Variants in E2F7 observed in about 807,000 individuals in gnomAD.
E2F7 encodes the protein transcription factor E2F7.
In E2F7, 35 loss-of-function variants were observed where a neutral mutation model predicts 81.1. That is an observed-to-expected ratio of 0.43 (90% CI 0.33 to 0.57). E2F7 has a LOEUF of 0.57. Ranked by LOEUF, E2F7 falls within the 20% of genes least tolerant of loss-of-function variation. E2F7 has a pLI of 0.04. For synonymous variants in E2F7, 416 were observed against 416.2 expected (o/e 1.00, Z 0.01); for missense variants, 961 against 1,093.7 (o/e 0.88, Z 1.71).
chr12:77,037,056 G>C (rs1311814501), intron 7 of E2F7, among the ~76,000 whole-genome samples: 2 of 152,128 alleles, frequency 1.3e-5, no homozygotes, highest in Non-Finnish European at 2.9e-5. Flanking sequence ...GCCCAACCTA[G>C]AATTCTTTAC....
chr12:77,029,910 G>C lies in E2F7; in HGVS notation c.1805C>G (p.Pro602Arg), dbSNP rs1398944377. The part of the protein sequence containing the change: ...AQKRLCEERK[P>R]QEEDEPATKR... ...AGTGGCTGGCTCATCCTCCTCCTGAGGTTTCCTCTCCTCACAGAGGCGCTT... is the reference window on the plus strand; with the variant it reads ...AGTGGCTGGCTCATCCTCCTCCTGACGTTTCCTCTCCTCACAGAGGCGCTT... Residue 602 changes from proline to arginine, a missense_variant, in exon 10 of 13, where the codon CCT (proline) becomes CGT (arginine). Pro to Arg is a moderately radical substitution (Grantham distance 103, BLOSUM62 -2). Transcript: ENST00000322886. 3 of 1,614,226 alleles carry C rather than the reference G, an allele frequency of 1.9e-6. No homozygotes were observed. Among genetic ancestry groups the C allele is most frequent in the Non-Finnish European group, 2.5e-6 (3 of 1,180,042 alleles).
chr12:77,021,394 G>C lies in E2F7; in HGVS notation c.*2621C>G, dbSNP rs1954709030. The C allele has an allele frequency of 6.6e-6, 1 of 152,548 alleles. No individual in the cohort carries two copies. The highest frequency in any genetic ancestry group is 1.5e-5 in the Non-Finnish European group (1 of 68,008). The allele number at this position is 152,548 out of a possible 1,614,324, so 9.4% of individuals were successfully genotyped here. On this transcript the variant is annotated 3_prime_UTR_variant, in exon 13 of 13. Transcript: ENST00000322886. ...TAGATAATATAGCCATTAGGAAAAAGAGCAGAGCTAAATAATAAGAAAACA... is the reference window on the plus strand; with the variant it reads ...TAGATAATATAGCCATTAGGAAAAACAGCAGAGCTAAATAATAAGAAAACA...
chr12:77,044,215 C>T, intron 6 of E2F7: 1 of 453,144 alleles, frequency 2.2e-6, no homozygotes, highest in Non-Finnish European at 4.4e-6. Context: ...TGTCCCACCA[C>T]CCTTACCCTG....
intron 3 of E2F7, among the ~76,000 whole-genome samples, chr12:77,051,614 T>C (rs938985284): frequency 2.6e-5 from 4 of 152,140 alleles, no homozygotes; most frequent in African/African-American, 9.7e-5. Flanking sequence ...TGTGCACATG[T>C]ACCCTAGAAC....
Position 77,021,732 on chromosome 12 carries a change from CAAT to C in E2F7, c.*2280_*2282del, listed in dbSNP as rs1204448522. The C allele has an allele frequency of 6.6e-6, 1 of 152,314 alleles. No individual in the cohort carries two copies. The highest frequency in any genetic ancestry group is 6.5e-5 in the Admixed American group (1 of 15,270). The allele number at this position is 152,314 out of a possible 1,614,324, so 9.4% of individuals were successfully genotyped here. A position where few individuals can be genotyped will look rare whatever the true frequency, so the allele number is the denominator to read the frequency against. ...TATTTTTTTCTTTTACTAAATTATA[CAAT>C]AATAGACTCAAGATTGCCATTGCTT... On this transcript the variant is annotated 3_prime_UTR_variant, in exon 13 of 13. Coordinates refer to ENST00000322886, the MANE Select transcript of E2F7 (RefSeq NM_203394.3).
intron 9 of E2F7, 149 bp from the exon 10 acceptor site, chr12:77,030,481 TC>T: frequency 1.0e-6 from 1 of 1,002,624 alleles, no homozygotes; most frequent in Non-Finnish European, 1.4e-6. Context: ...TGTTAGCTCA[TC>T]CCAGAGTTAG....
At position 77,021,959 on chromosome 12, in the gene E2F7, C is replaced by T. The variant is rs1954715317; in HGVS notation, c.*2056G>A. ...AGAATGGTCACCAAGTCATAATATCCTCACCAATGGGACTGCTTCTTAACA... is the reference window on the plus strand; with the variant it reads ...AGAATGGTCACCAAGTCATAATATCTTCACCAATGGGACTGCTTCTTAACA... On this transcript the variant is annotated 3_prime_UTR_variant, in exon 13 of 13. Coordinates refer to ENST00000322886, the MANE Select transcript of E2F7 (RefSeq NM_203394.3). 6.6e-6 allele frequency: 1 copy of T among 152,138 alleles called. No individual in the cohort carries two copies. Among genetic ancestry groups the T allele is most frequent in the South Asian group, 2.1e-4 (1 of 4,830 alleles). The allele number at this position is 152,138 out of a possible 1,614,324, so 9.4% of individuals were successfully genotyped here.
chr12:77,031,987 T>C (rs933246237), intron 9 of E2F7, among the ~76,000 whole-genome samples: 3 of 152,196 alleles, frequency 2.0e-5, no homozygotes, highest in African/African-American at 7.2e-5. Context: ...CACTATCACC[T>C]GACATGCAGA....
chr12:77,053,848 T>C (rs562626540), intron 3 of E2F7, among the ~76,000 whole-genome samples: 73 of 152,304 alleles, frequency 4.8e-4, no homozygotes, highest in Admixed American at 6.5e-4. Flanking sequence ...AGAATGGTTA[T>C]TCTGTTGGGG....
chr12:77,026,759 GT>G (rs1183337387), intron 11 of E2F7, among the ~76,000 whole-genome samples: 1 of 152,146 alleles, frequency 6.6e-6, no homozygotes, highest in African/African-American at 2.4e-5. Flanking sequence ...TTAATATACT[GT>G]TAAGCTCATC....
At chr12:77,052,733 A>C (rs1166218589) in intron 3 of E2F7, among the ~76,000 whole-genome samples, 1 of 152,208 alleles carries the variant, frequency 6.6e-6, no homozygotes. Context: ...TAAAGGGAAA[A>C]GACAATTACC....
intron 3 of E2F7, among the ~76,000 whole-genome samples, chr12:77,053,220 G>A (rs1019174360): frequency 3.3e-5 from 5 of 152,068 alleles, no homozygotes; most frequent in African/African-American, 1.2e-4. Flanking sequence ...AAACTACTGA[G>A]GACTCCACAG....
Position 77,041,928 on chromosome 12 carries a change from G to A in E2F7, c.1123+1137C>T, listed in dbSNP as rs190839957. Among the ~76,000 whole-genome samples, 8 of 152,264 alleles carry A rather than the reference G, an allele frequency of 5.3e-5. No individual in the cohort carries two copies. In the East Asian group the frequency reaches 5.8e-4, roughly 11 times the overall value. ...GGTCTCAAATGTGTAGGGCAGGGAC[G>A]ACACCACCATATCTACCTCACCCAG... On this transcript the variant is annotated intron_variant, in intron 7 of 12. Transcript: ENST00000322886.
intron 2 of E2F7, among the ~76,000 whole-genome samples, chr12:77,060,525 T>C (rs1180764716): frequency 1.3e-5 from 2 of 152,168 alleles, no homozygotes; most frequent in Admixed American, 6.5e-5. Flanking sequence ...CAAGTGTATA[T>C]ATTAGCTCTG....
At chr12:77,059,661 T>C (rs1483115885) in intron 2 of E2F7, among the ~76,000 whole-genome samples, 2 of 152,004 alleles carry the variant, frequency 1.3e-5, no homozygotes, top group Admixed American at 6.6e-5. Context: ...CTGGGAAGCC[T>C]CTCCTGTACT....
rs1199777484 is a variant in E2F7 at position 77,025,915 on chromosome 12, A to G, written c.2208T>C (p.Gly736=). 6.2e-7 allele frequency: 1 copy of G among 1,614,100 alleles called. No homozygotes were observed. Among genetic ancestry groups the G allele is most frequent in the South Asian group, 1.1e-5 (1 of 91,074 alleles). ...QTPPTVGPSS[G]QLPSFSVPCM... is the part of the protein sequence containing the mutation. ...AAGGGACACTGAAAGACGGCAGCTGACCTGAGGACGGGCCCACAGTAGGGG... is the reference window on the plus strand; with the variant it reads ...AAGGGACACTGAAAGACGGCAGCTGGCCTGAGGACGGGCCCACAGTAGGGG... The change falls in exon 12 of 13, where the codon GGT becomes GGC. Residue 736 remains glycine (G), a synonymous_variant. Transcript: ENST00000322886.
intron 11 of E2F7, among the ~76,000 whole-genome samples, chr12:77,027,084 ACTTAC>A (rs1197080931): frequency 6.6e-6 from 1 of 152,234 alleles, no homozygotes; most frequent in Non-Finnish European, 1.5e-5. Context: ...ACTAAAAGAT[ACTTAC>A]TAAAGAAATA....
Position 77,065,389 on chromosome 12 carries a change from C to A in E2F7, c.-45G>T, listed in dbSNP as rs537280038. 11 of 152,452 alleles carry A rather than the reference C, an allele frequency of 7.2e-5. No homozygotes were observed. Among genetic ancestry groups the A allele is most frequent in the Admixed American group, 4.6e-4 (7 of 15,308 alleles). The allele number at this position is 152,452 out of a possible 1,614,324, so 9.4% of individuals were successfully genotyped here. ...CTTCCTGCCTCTGCAGGGACCTCCACGGACCCAAGCCGATGAGGGAAGGTG... is the reference window on the plus strand; with the variant it reads ...CTTCCTGCCTCTGCAGGGACCTCCAAGGACCCAAGCCGATGAGGGAAGGTG... On this transcript the variant is annotated 5_prime_UTR_variant, in exon 1 of 13. Transcript: ENST00000322886.
rs751994044 is a variant in E2F7, at chr12:77,046,050, C to T, written c.817G>A (p.Asp273Asn). 33 of 1,613,638 alleles carry T rather than the reference C, an allele frequency of 2.0e-5. No individual in the cohort carries two copies. Among genetic ancestry groups the T allele is most frequent in the Middle Eastern group, 1.6e-4 (1 of 6,084 alleles). ...EQQLLDFSEPDCPSSSANSRK... is the reference protein window; with the variant it reads ...EQQLLDFSEPNCPSSSANSRK... ...ACAATGGACTCACAAGAGGGACAGT[C>T]GGGTTCAGAGAAATCCAGTAACTGT... Residue 273 changes from aspartate (D) to asparagine (N), a missense_variant, in exon 5 of 13, where the codon GAC becomes AAC. Transcript: ENST00000322886.
Sources: allele counts gnomAD v4.1 joint callset (sites outside exome capture counted in the v4.1 genomes callset), GRCh38; gene constraint gnomAD v4.1.1; transcripts MANE v1.5; gene names NCBI Gene and HGNC (gene_info 2026-07-23, HGNC 2026-07-21).